The following PCYOX1 variants were observed in gnomAD, a reference collection of about 807,000 sequenced individuals.
The protein encoded by PCYOX1 is prenylcysteine lyase.
Under a neutral mutation model 46.4 loss-of-function variants are expected in PCYOX1, and 46 were observed. The ratio of observed to expected loss-of-function variants is 0.99; its 90% CI spans 0.78 to 1.27. The LOEUF (loss-of-function observed/expected upper bound fraction) is 1.27. Among genes scored for constraint, PCYOX1 ranks in the 50% most tolerant of loss-of-function variants. PCYOX1 has a pLI of 0.00. For missense variants in PCYOX1, 658 were observed against 628.3 expected (o/e 1.05, Z -0.51); for synonymous variants, 220 against 231.8 (o/e 0.95, Z 0.46).
At position 70,279,874 on chromosome 2, in the gene PCYOX1, G is replaced by T. The variant is rs1309078470; in HGVS notation, c.*2482G>T. On this transcript the variant is annotated 3_prime_UTR_variant, in exon 6 of 6. Coordinates refer to ENST00000433351, the MANE Select transcript of PCYOX1 (RefSeq NM_016297.4). ...GCAGGTGGATCTCTTGAGGTCGGGAGTTTGAGACCAGCCTGGCCAACATGG... is the reference window on the plus strand; with the variant it reads ...GCAGGTGGATCTCTTGAGGTCGGGATTTTGAGACCAGCCTGGCCAACATGG... The T allele has an allele frequency of 1.3e-5, 2 of 152,136 alleles. No homozygotes were observed. The highest frequency in any genetic ancestry group is 4.8e-5 in the African/African-American group (2 of 41,410). The allele number at this position is 152,136 out of a possible 1,614,324, so 9.4% of individuals were successfully genotyped here. A position where few individuals can be genotyped will look rare whatever the true frequency, so the allele number is the denominator to read the frequency against.
intron 3 of PCYOX1, among the ~76,000 whole-genome samples, chr2:70,266,206 T>C (rs1212717591): frequency 6.6e-6 from 1 of 152,088 alleles, no homozygotes; most frequent in East Asian, 1.9e-4. Flanking sequence ...GTGGGCCCAA[T>C]ATAATCACAA....
Position 70,271,234 on chromosome 2 carries a change from ATT to A in PCYOX1, c.495-3707_495-3706del, listed in dbSNP as rs374086458. 2.9e-3 allele frequency among the ~76,000 whole-genome samples: 374 copies of A among 127,842 alleles called. 3 individuals carry two copies. Among genetic ancestry groups the A allele is most frequent in the African/African-American group, 0.01 (353 of 34,856 alleles). 83.9% of individuals were successfully genotyped at this position (127,842 alleles called of 152,430 possible). A position where few individuals can be genotyped will look rare whatever the true frequency, so the allele number is the denominator to read the frequency against. ...AGGCATGCCTCACCATGCCTGGCTA[ATT>A]TTTTTTTTTTTTTTTTTCTGTAAGT... On this transcript the variant is annotated intron_variant, in intron 3 of 5. Coordinates refer to ENST00000433351, the MANE Select transcript of PCYOX1 (RefSeq NM_016297.4).
chr2:70,272,625 G>A (rs952145624), intron 3 of PCYOX1, among the ~76,000 whole-genome samples: 4 of 152,140 alleles, frequency 2.6e-5, no homozygotes, highest in African/African-American at 9.7e-5. Context: ...AGCCTCTTGA[G>A]TAGCTGTGAC....
At chr2:70,274,591 T>C (rs554852307) in intron 3 of PCYOX1, among the ~76,000 whole-genome samples, 6 of 148,180 alleles carry the variant, frequency 4.0e-5, no homozygotes, top group Admixed American at 1.4e-4. Flanking sequence ...TAAGAGACAC[T>C]GTCACTGTCT....
intron 2 of PCYOX1, 32 bp from the exon 3 acceptor site, chr2:70,261,180 C>T (rs1461785135): frequency 3.3e-6 from 5 of 1,509,772 alleles, no homozygotes; most frequent in Admixed American, 3.5e-5. Flanking sequence ...GCATAGACAC[C>T]ACTGACTTAG....
chr2:70,268,245 G>A (rs1696555403), intron 3 of PCYOX1, among the ~76,000 whole-genome samples: 2 of 152,150 alleles, frequency 1.3e-5, no homozygotes, highest in Admixed American at 1.3e-4. Context: ...AGCCAAAGTA[G>A]TTCTTTAAAA....
intron 3 of PCYOX1, among the ~76,000 whole-genome samples, chr2:70,265,348 G>T (rs1289649198): frequency 6.6e-6 from 1 of 151,846 alleles, no homozygotes; most frequent in East Asian, 1.9e-4. Flanking sequence ...GTGCCATCAT[G>T]CTTGGCTAAT....
At position 70,258,151 on chromosome 2, in the gene PCYOX1, A is replaced by C. The variant is rs374488039; in HGVS notation, c.-14A>C. 8 of 1,583,432 alleles carry C rather than the reference A, an allele frequency of 5.1e-6. No homozygotes were observed. In the Admixed American group the frequency reaches 6.8e-5, roughly 13 times the overall value. On this transcript the variant is annotated 5_prime_UTR_variant, in exon 1 of 6. Coordinates refer to ENST00000433351, the MANE Select transcript of PCYOX1 (RefSeq NM_016297.4). ...GCGGGGCTCTTGAGGCCAGCTGCAG[A>C]GCTTGTGGAGGCCATGGGGCGCGTC... is the stretch of plus-strand genomic sequence containing the variant.
chr2:70,262,655 A>G (rs1268770275), intron 3 of PCYOX1, among the ~76,000 whole-genome samples: 2 of 150,586 alleles, frequency 1.3e-5, no homozygotes, highest in African/African-American at 4.9e-5. Flanking sequence ...AATTTTTTGT[A>G]TTTTTAGTAG....
In PCYOX1 at chr2:70,258,155, T is replaced by C. The variant is rs1696372149; in HGVS notation, c.-10T>C. The C allele has an allele frequency of 6.3e-7, 1 of 1,586,184 alleles. No individual in the cohort carries two copies. The highest frequency in any genetic ancestry group is 8.5e-7 in the Non-Finnish European group (1 of 1,171,438). ...GGCTCTTGAGGCCAGCTGCAGAGCTTGTGGAGGCCATGGGGCGCGTCGTCG... is the reference window on the plus strand; with the variant it reads ...GGCTCTTGAGGCCAGCTGCAGAGCTCGTGGAGGCCATGGGGCGCGTCGTCG... On this transcript the variant is annotated 5_prime_UTR_variant, in exon 1 of 6. Coordinates refer to ENST00000433351, the MANE Select transcript of PCYOX1 (RefSeq NM_016297.4).
rs759793798 is a variant in PCYOX1, at chr2:70,280,520, T to A, written c.*3128T>A. The A allele has an allele frequency of 1.3e-5, 2 of 152,210 alleles. No individual in the cohort carries two copies. Among genetic ancestry groups the A allele is most frequent in the Non-Finnish European group, 2.9e-5 (2 of 68,026 alleles). 9.4% of individuals were successfully genotyped at this position (152,210 alleles called of 1,614,324 possible). ...CACCCTGTTTATTCAATAAGTTTGT[T>A]ATGGGATATAAGAAGATGCATTTTA... On this transcript the variant is annotated 3_prime_UTR_variant, in exon 6 of 6. Coordinates refer to ENST00000433351, the MANE Select transcript of PCYOX1 (RefSeq NM_016297.4).
intron 1 of PCYOX1, among the ~76,000 whole-genome samples, chr2:70,259,070 G>C (rs79737696): frequency 1.4e-4 from 21 of 152,318 alleles, no homozygotes; most frequent in African/African-American, 5.1e-4. Context: ...ATCTGGAAGG[G>C]TGTGCAGGCC....
intron 3 of PCYOX1, among the ~76,000 whole-genome samples, chr2:70,264,152 A>G (rs1431200201): frequency 6.7e-6 from 1 of 150,110 alleles, no homozygotes; most frequent in African/African-American, 2.5e-5. Flanking sequence ...TTTTGTAGAG[A>G]TGAGGTTTGG....
intron 1 of PCYOX1, among the ~76,000 whole-genome samples, chr2:70,259,137 A>G (rs1173493954): frequency 1.3e-5 from 2 of 152,092 alleles, no homozygotes; most frequent in East Asian, 1.9e-4. Flanking sequence ...AAAAAAATCG[A>G]GTTAATGTCA....
rs1269566043 is a variant in PCYOX1 at position 70,278,135 on chromosome 2, TAAAC to T, written c.*747_*750del. 4 of 152,562 alleles carry T rather than the reference TAAAC, an allele frequency of 2.6e-5. No homozygotes were observed. The highest frequency in any genetic ancestry group is 5.9e-5 in the Non-Finnish European group (4 of 68,040). 9.5% of individuals were successfully genotyped at this position (152,562 alleles called of 1,614,324 possible). A position where few individuals can be genotyped will look rare whatever the true frequency, so the allele number is the denominator to read the frequency against. ...TCTTAGTAATGTAACTTGAAGATGT[TAAAC>T]AAAAATCTCAAGTAAAATGAAAAGC... On this transcript the variant is annotated 3_prime_UTR_variant, in exon 6 of 6. Transcript: ENST00000433351.
At chr2:70,266,872 C>G (rs1314623752) in intron 3 of PCYOX1, among the ~76,000 whole-genome samples, 1 of 152,180 alleles carries the variant, frequency 6.6e-6, no homozygotes, top group Non-Finnish European at 1.5e-5. Context: ...TCTTTCTACA[C>G]AGACACAGTA....
intron 3 of PCYOX1, among the ~76,000 whole-genome samples, chr2:70,274,279 C>G (rs1465055017): frequency 4.7e-5 from 7 of 149,738 alleles, no homozygotes; most frequent in Non-Finnish European, 1.0e-4. Context: ...CTCACTGCAA[C>G]CTCCGCTTTC....
chr2:70,257,928 G>T, upstream of PCYOX1: 1 of 381,824 alleles, frequency 2.6e-6, no homozygotes. Flanking sequence ...GATGTCTTCT[G>T]AAGGAGGGTG....
Position 70,274,227 on chromosome 2 carries a change from T to C in PCYOX1, c.495-732T>C, listed in dbSNP as rs1696636708. The stretch of plus-strand genomic sequence containing the variant: ...TTTTTTTTTTTTTTGAGATGGAGTC[T>C]CGCTCTGTTGCCCAGGCTGGAGTGC... On this transcript the variant is annotated intron_variant, in intron 3 of 5. Transcript: ENST00000433351. Among the ~76,000 whole-genome samples, 8 of 147,344 alleles carry C rather than the reference T, an allele frequency of 5.4e-5. No individual in the cohort carries two copies. In the South Asian group the frequency reaches 1.5e-3, roughly 28 times the overall value.
Sources: gnomAD v4.1 joint callset for allele counts (sites outside exome capture counted in the v4.1 genomes callset) on GRCh38, gnomAD v4.1.1 for gene constraint, MANE v1.5 for transcripts, NCBI Gene and HGNC (gene_info 2026-07-23, HGNC 2026-07-21) for gene names.